Variants in RRP15 observed in about 807,000 individuals in gnomAD.
RRP15 encodes the protein ribosomal RNA processing 15 homolog.
RRP15 carries 18 observed loss-of-function variants against 27.1 expected under a neutral mutation model. The ratio of observed to expected loss-of-function variants is 0.66; its 90% CI spans 0.46 to 0.98. RRP15 has a LOEUF of 0.98. Ranked by LOEUF, RRP15 falls within the 50% of genes least tolerant of loss-of-function variation. The pLI, the probability that RRP15 is intolerant of heterozygous loss-of-function variation, is 0.00. For synonymous variants in RRP15, 107 were observed against 109.4 expected (o/e 0.98, Z 0.14); for missense variants, 359 against 337.8 (o/e 1.06, Z -0.49).
At chr1:218,302,654 G>C in intron 2 of RRP15, 95 bp downstream of exon 2, 2 of 1,508,114 alleles carry the variant, frequency 1.3e-6, no homozygotes, top group East Asian at 2.3e-5. Flanking sequence ...ACCAATTAAC[G>C]TTCCAGTTTT....
At position 218,300,359 on chromosome 1, in the gene RRP15, C is replaced by T. The variant is rs1655790569; in HGVS notation, c.140-1935C>T. On this transcript the variant is annotated intron_variant, in intron 1 of 4. Transcript: ENST00000366932. ...TGCTCGAGGTTCATTTTTATATAGG[C>T]ATGTTTTTATTTCCTACTTTCTAAT... is the stretch of plus-strand genomic sequence containing the variant. 5.3e-5 allele frequency among the ~76,000 whole-genome samples: 8 copies of T among 152,072 alleles called. No homozygotes were observed. In the South Asian group the frequency reaches 1.7e-3, roughly 31 times the overall value.
At chr1:218,295,822 A>G (rs921509056) in intron 1 of RRP15, among the ~76,000 whole-genome samples, 15 of 152,210 alleles carry the variant, frequency 9.9e-5, no homozygotes, top group African/African-American at 3.1e-4. Flanking sequence ...ATGTAATCAC[A>G]TCTGAAAGTG....
chr1:218,299,648 C>T (rs1468733748), intron 1 of RRP15, among the ~76,000 whole-genome samples: 2 of 152,124 alleles, frequency 1.3e-5, no homozygotes, highest in Non-Finnish European at 2.9e-5. Flanking sequence ...TGCTTTTAAT[C>T]ACCAAGATAT....
intron 4 of RRP15, among the ~76,000 whole-genome samples, chr1:218,323,218 T>G (rs1656216244): frequency 6.6e-6 from 1 of 152,180 alleles, no homozygotes; most frequent in Admixed American, 6.5e-5. Flanking sequence ...AAGGGACATA[T>G]TTCAGCGCTG....
At chr1:218,310,689 G>A (rs1243028640) in intron 4 of RRP15, among the ~76,000 whole-genome samples, 2 of 151,976 alleles carry the variant, frequency 1.3e-5, no homozygotes, top group Non-Finnish European at 2.9e-5. Flanking sequence ...ATAAGAAACA[G>A]ACATTGTGAT....
intron 4 of RRP15, among the ~76,000 whole-genome samples, chr1:218,311,882 G>A (rs1350953449): frequency 1.3e-5 from 2 of 152,184 alleles, no homozygotes; most frequent in East Asian, 3.9e-4. Context: ...GATGAAGGAG[G>A]TAATCTCGAA....
At chr1:218,303,100 T>G (rs1655840390) in intron 2 of RRP15, among the ~76,000 whole-genome samples, 1 of 152,178 alleles carries the variant, frequency 6.6e-6, no homozygotes, top group African/African-American at 2.4e-5. Context: ...GTATAATCTA[T>G]TAATTAAAGG....
intron 1 of RRP15, among the ~76,000 whole-genome samples, chr1:218,290,555 C>T (rs759232299): frequency 1.3e-5 from 2 of 152,192 alleles, no homozygotes; most frequent in Non-Finnish European, 2.9e-5. Flanking sequence ...GCAACCTCTG[C>T]CTGTTAGGCT....
At position 218,312,803 on chromosome 1, in the gene RRP15, AT is replaced by A. The variant is rs369740298; in HGVS notation, c.705+5172del. Reference sequence around the variant, plus strand: ...ATTTTTAAAATGGCATGAAGTAAACATGGTAAGGGGGAAAAAGCCTGCCAGT... The same window carrying A: ...ATTTTTAAAATGGCATGAAGTAAACAGGTAAGGGGGAAAAAGCCTGCCAGT... On this transcript the variant is annotated intron_variant, in intron 4 of 4. Transcript: ENST00000366932. 1.4e-3 allele frequency among the ~76,000 whole-genome samples: 213 copies of A among 152,322 alleles called. 1 individual carries two copies. Among genetic ancestry groups the A allele is most frequent in the African/African-American group, 4.8e-3 (198 of 41,572 alleles).
At chr1:218,295,708 T>C (rs894661538) in intron 1 of RRP15, among the ~76,000 whole-genome samples, 1 of 152,206 alleles carries the variant, frequency 6.6e-6, no homozygotes, top group Non-Finnish European at 1.5e-5. Context: ...GCCTAAGAAA[T>C]GAAGTATATC....
chr1:218,319,805 C>T (rs1656157931), intron 4 of RRP15, among the ~76,000 whole-genome samples: 5 of 152,142 alleles, frequency 3.3e-5, no homozygotes, highest in Admixed American at 3.3e-4. Context: ...ACGTTGGTAT[C>T]TATTTTTCAG....
chr1:218,302,026 G>T, intron 1 of RRP15: 1 of 387,102 alleles, frequency 2.6e-6, no homozygotes, highest in Non-Finnish European at 4.6e-6. Context: ...GGCAGAGGCT[G>T]TTGGATTTGT....
intron 1 of RRP15, 130 bp downstream of exon 1, chr1:218,285,585 C>A: frequency 8.3e-7 from 1 of 1,211,528 alleles, no homozygotes; most frequent in Non-Finnish European, 1.2e-6. Context: ...AGAGGGGCGA[C>A]TTTGGCTTAG....
chr1:218,305,260 C>A, intron 3 of RRP15, 135 bp downstream of exon 3: 1 of 614,192 alleles, frequency 1.6e-6, no homozygotes, highest in Non-Finnish European at 2.9e-6. Flanking sequence ...GCCTGTTCAA[C>A]ACTGAATTCA....
chr1:218,310,205 C>T (rs2102504116), intron 4 of RRP15, among the ~76,000 whole-genome samples: 1 of 152,318 alleles, frequency 6.6e-6, no homozygotes, highest in South Asian at 2.1e-4. Context: ...TTCCTTCTCT[C>T]ATCATAAAAT....
intron 1 of RRP15, among the ~76,000 whole-genome samples, chr1:218,290,157 T>TA (rs1198198986): frequency 1.2e-4 from 18 of 152,182 alleles, no homozygotes; most frequent in East Asian, 3.9e-4. Flanking sequence ...GTGTTTTTTT[T>TA]AAAAAAAATC....
Position 218,307,454 on chromosome 1 carries a change from C to G in RRP15, c.527C>G (p.Ala176Gly), listed in dbSNP as rs1438435821. Reference protein sequence around the residue: ...ATRGVVQLFNAVQKHQKNVDE... With the variant: ...ATRGVVQLFNGVQKHQKNVDE... The stretch of plus-strand genomic sequence containing the variant: ...AGGGGTGTGGTGCAATTATTTAATG[C>G]TGTTCAGAAACATCAAAAGAATGTT... The change falls in exon 4 of 5, where the codon GCT becomes GGT. Residue 176 changes from alanine (A) to glycine (G), a missense_variant. Physicochemically the swap from Ala to Gly is moderately conservative, Grantham distance 60. Coordinates refer to ENST00000366932, the MANE Select transcript of RRP15 (RefSeq NM_016052.4). 3 of 1,613,576 alleles carry G rather than the reference C, an allele frequency of 1.9e-6. No homozygotes were observed. Among genetic ancestry groups the G allele is most frequent in the Non-Finnish European group, 2.5e-6 (3 of 1,179,726 alleles).
rs138159824 is a variant in RRP15 at position 218,307,742 on chromosome 1, T to A, written c.705+110T>A. The A allele has an allele frequency of 2.7e-3, 2,101 of 778,608 alleles. 29 individuals carry two copies. In the African/African-American group the frequency reaches 0.029, roughly 11 times the overall value. 48.2% of individuals were successfully genotyped at this position (778,608 alleles called of 1,614,324 possible). A position where few individuals can be genotyped will look rare whatever the true frequency, so the allele number is the denominator to read the frequency against. On this transcript the variant is annotated intron_variant, in intron 4 of 4. Coordinates refer to ENST00000366932, the MANE Select transcript of RRP15 (RefSeq NM_016052.4). Reference sequence around the variant, plus strand: ...CAGAGTTTTGTGTTTTTTTCCTAAATTTTATTAAAATTCCTCCATGCCCGC... The same window carrying A: ...CAGAGTTTTGTGTTTTTTTCCTAAAATTTATTAAAATTCCTCCATGCCCGC...
rs1232765230 is a variant in RRP15 at position 218,335,639 on chromosome 1, T to G, written c.*4548T>G. On this transcript the variant is annotated 3_prime_UTR_variant, in exon 5 of 5. Coordinates refer to ENST00000366932, the MANE Select transcript of RRP15 (RefSeq NM_016052.4). ...TACTTTAAATTTTAAAAGTTACACG[T>G]GGCTAGTGGGTCTATCCCAACTATG... 1.3e-5 allele frequency: 2 copies of G among 152,206 alleles called. No individual in the cohort carries two copies. The highest frequency in any genetic ancestry group is 2.9e-5 in the Non-Finnish European group (2 of 68,034). The allele number at this position is 152,206 out of a possible 1,614,324, so 9.4% of individuals were successfully genotyped here. A position where few individuals can be genotyped will look rare whatever the true frequency, so the allele number is the denominator to read the frequency against.
Sources: gnomAD v4.1 joint callset for allele counts (sites outside exome capture counted in the v4.1 genomes callset) on GRCh38, gnomAD v4.1.1 for gene constraint, MANE v1.5 for transcripts, NCBI Gene and HGNC (gene_info 2026-07-23, HGNC 2026-07-21) for gene names.